ARHGAP28: variants seen among roughly 807,000 people sequenced by gnomAD.
ARHGAP28 encodes the protein Rho GTPase activating protein 28, also known as rho GTPase-activating protein 28.
Under a neutral mutation model 90.7 loss-of-function variants are expected in ARHGAP28, and 56 were observed. The observed-to-expected ratio is 0.62, with a 90% CI of 0.50 to 0.77. The LOEUF (loss-of-function observed/expected upper bound fraction) is 0.77. Ranked by LOEUF, ARHGAP28 falls within the 30% of genes least tolerant of loss-of-function variation. ARHGAP28 has a pLI of 0.00. For synonymous variants in ARHGAP28, 308 were observed against 323.3 expected, an observed-to-expected ratio of 0.95 and a Z score of 0.51; for missense variants, 869 against 900.9, an observed-to-expected ratio of 0.96 and a Z score of 0.45.
At chr18:6,806,787 T>G (rs2056522000) in intron 1 of ARHGAP28, among the ~76,000 whole-genome samples, 1 of 152,098 alleles carries the variant, frequency 6.6e-6, no homozygotes, top group Non-Finnish European at 1.5e-5. Flanking sequence ...TAACATTTCT[T>G]ATGGGGAAGA....
At chr18:6,862,274 C>T (rs557589755) in intron 5 of ARHGAP28, among the ~76,000 whole-genome samples, 1 of 152,184 alleles carries the variant, frequency 6.6e-6, no homozygotes, top group South Asian at 2.1e-4. Flanking sequence ...AAGCAGGGGC[C>T]AGGGCTTCAG....
chr18:6,752,683 G>C (rs1016643447), intron 1 of ARHGAP28, among the ~76,000 whole-genome samples: 4 of 152,086 alleles, frequency 2.6e-5, no homozygotes, highest in African/African-American at 9.7e-5. Flanking sequence ...AGCTTCTCAG[G>C]CTCAAAGTCA....
At chr18:6,755,422 G>C (rs1202051665) in intron 1 of ARHGAP28, among the ~76,000 whole-genome samples, 1 of 152,136 alleles carries the variant, frequency 6.6e-6, no homozygotes, top group African/African-American at 2.4e-5. Context: ...GGACTAGAGG[G>C]AAATGAAGTG....
rs1600232421 is a variant in ARHGAP28 at position 6,839,584 on chromosome 18, ACT to A, written c.543+2171_543+2172del. On this transcript the variant is annotated intron_variant, in intron 3 of 17. Coordinates refer to ENST00000383472, the MANE Select transcript of ARHGAP28 (RefSeq NM_001366230.1). Reference sequence around the variant, plus strand: ...AGTGCTGGGATTACAGGCGTGAGCCACTGCGCCCGGCCATAATTTTTTTAGAT... The same window carrying A: ...AGTGCTGGGATTACAGGCGTGAGCCAGCGCCCGGCCATAATTTTTTTAGAT... 2.0e-5 allele frequency among the ~76,000 whole-genome samples: 3 copies of A among 152,332 alleles called. No individual in the cohort carries two copies. In the East Asian group the frequency reaches 5.8e-4, roughly 29 times the overall value.
chr18:6,732,236 T>G (rs1444125563), intron 1 of ARHGAP28, among the ~76,000 whole-genome samples: 3 of 152,158 alleles, frequency 2.0e-5, no homozygotes, highest in South Asian at 2.1e-4. Flanking sequence ...TTGAGTAAAT[T>G]AATGAATTCC....
intron 12 of ARHGAP28, among the ~76,000 whole-genome samples, chr18:6,887,514 T>C (rs2057232291): frequency 6.6e-6 from 1 of 150,876 alleles, no homozygotes; most frequent in Non-Finnish European, 1.5e-5. Flanking sequence ...CACTGCAGCG[T>C]TGACTTCCCA....
intron 1 of ARHGAP28, among the ~76,000 whole-genome samples, chr18:6,771,141 ATCC>A (rs926794576): frequency 1.7e-4 from 26 of 152,074 alleles, no homozygotes; most frequent in Admixed American, 1.5e-3. Context: ...GGCTCAAGCA[ATCC>A]TCCTGCCCCA....
At chr18:6,888,671 T>C (rs2057240966) in intron 12 of ARHGAP28, among the ~76,000 whole-genome samples, 1 of 152,212 alleles carries the variant, frequency 6.6e-6, no homozygotes, top group African/African-American at 2.4e-5. Context: ...TTATCAAATA[T>C]CTGAGTCAAA....
chr18:6,889,936 C>A lies in ARHGAP28; in HGVS notation c.1585C>A (p.Arg529=), dbSNP rs1461455875. The A allele has an allele frequency of 6.2e-7, 1 of 1,614,038 alleles. No individual in the cohort carries two copies. Among genetic ancestry groups the A allele is most frequent in the African/African-American group, 1.3e-5 (1 of 74,918 alleles). Residue 529 remains arginine (R), a synonymous_variant, in exon 13 of 18, where the codon CGA becomes AGA. Coordinates refer to ENST00000383472, the MANE Select transcript of ARHGAP28 (RefSeq NM_001366230.1). ...AGTGATTGCCAATGAATCAAAAAAC[C>A]GAATGAGTCTGTGGAACATTTCTAC... ...NKVIANESKN[R]MSLWNISTVM... is the part of the protein sequence containing the mutation.
intron 9 of ARHGAP28, among the ~76,000 whole-genome samples, chr18:6,875,871 G>C (rs796295230): frequency 1.3e-5 from 2 of 152,296 alleles, no homozygotes; most frequent in East Asian, 3.9e-4. Flanking sequence ...TTAAGAGCAC[G>C]AACTTGAGTC....
chr18:6,875,466 T>C (rs2057123801), intron 9 of ARHGAP28, among the ~76,000 whole-genome samples: 1 of 152,192 alleles, frequency 6.6e-6, no homozygotes, highest in South Asian at 2.1e-4. Flanking sequence ...GTTATTATCC[T>C]TTCCAGAGAA....
chr18:6,841,188 TCTCTCTCTCTCTCTCCTCTC>T (rs1358853707), intron 3 of ARHGAP28, among the ~76,000 whole-genome samples: 868 of 60,292 alleles, frequency 0.014, 10 homozygotes, highest in Non-Finnish European at 0.021. Context: ...CTCCTCTCTC[TCTCTCTCTCTCTCTCCTCTC>T]CTCTCTCTCT....
Position 6,912,534 on chromosome 18 carries a change from G to A in ARHGAP28, c.*380G>A, listed in dbSNP as rs1482888771. 4 of 154,768 alleles carry A rather than the reference G, an allele frequency of 2.6e-5. No individual in the cohort carries two copies. Among genetic ancestry groups the A allele is most frequent in the Non-Finnish European group, 1.4e-5 (1 of 69,862 alleles). 9.6% of individuals were successfully genotyped at this position (154,768 alleles called of 1,614,324 possible). ...ATGCTACGAAACAAAAGAGGTGAAAGAGACCCTTTTTTATACTTAATGTAC... is the reference window on the plus strand; with the variant it reads ...ATGCTACGAAACAAAAGAGGTGAAAAAGACCCTTTTTTATACTTAATGTAC... On this transcript the variant is annotated 3_prime_UTR_variant, in exon 18 of 18. Coordinates refer to ENST00000383472, the MANE Select transcript of ARHGAP28 (RefSeq NM_001366230.1).
At chr18:6,828,303 A>G (rs923086806) in intron 2 of ARHGAP28, among the ~76,000 whole-genome samples, 1 of 152,154 alleles carries the variant, frequency 6.6e-6, no homozygotes, top group African/African-American at 2.4e-5. Flanking sequence ...TGGCAGCAGT[A>G]CAGTCCAGCT....
intron 2 of ARHGAP28, among the ~76,000 whole-genome samples, chr18:6,827,383 C>T: frequency 6.7e-6 from 1 of 148,696 alleles, no homozygotes; most frequent in Non-Finnish European, 1.5e-5. Context: ...CCCCACCTCC[C>T]TCCGAGATGG....
chr18:6,836,501 G>C (rs1029566039), intron 2 of ARHGAP28, among the ~76,000 whole-genome samples: 1 of 152,106 alleles, frequency 6.6e-6, no homozygotes, highest in Admixed American at 6.5e-5. Flanking sequence ...AGTGGGTGTG[G>C]GTTGGTGGGA....
intron 1 of ARHGAP28, among the ~76,000 whole-genome samples, chr18:6,768,981 G>A (rs1367844906): frequency 2.0e-5 from 3 of 152,042 alleles, no homozygotes; most frequent in African/African-American, 7.3e-5. Context: ...GTTTATGGTG[G>A]CAAGGCTAAT....
chr18:6,769,458 C>T (rs1057168374), intron 1 of ARHGAP28, among the ~76,000 whole-genome samples: 4 of 152,166 alleles, frequency 2.6e-5, no homozygotes, highest in Non-Finnish European at 4.4e-5. Context: ...TTTTCTTTTG[C>T]ATCAATGCTA....
At chr18:6,735,743 T>C (rs771382714) in intron 1 of ARHGAP28, among the ~76,000 whole-genome samples, 1 of 152,046 alleles carries the variant, frequency 6.6e-6, no homozygotes. Flanking sequence ...TTTGTGGAGA[T>C]GGAGTTTTGC....
Sources: allele counts gnomAD v4.1 joint callset (sites outside exome capture counted in the v4.1 genomes callset), GRCh38; gene constraint gnomAD v4.1.1; transcripts MANE v1.5; gene names NCBI Gene and HGNC (gene_info 2026-07-23, HGNC 2026-07-21).